TNS3: variants seen among roughly 807,000 people sequenced by gnomAD.
TNS3 encodes the protein tensin 3.
A neutral mutation model predicts 140.9 loss-of-function variants in TNS3; 45 were observed. That is an observed-to-expected ratio of 0.32 (90% CI 0.25 to 0.41). TNS3 has a LOEUF of 0.41. TNS3 is among the 10% of genes least tolerant of loss of function. The pLI, the probability that TNS3 is intolerant of heterozygous loss-of-function variation, is 1.00. For missense variants in TNS3, 1,716 were observed against 1,906.7 expected (o/e 0.90, Z 1.86); for synonymous variants, 815 against 788.4 (o/e 1.03, Z -0.56).
At position 47,563,658 on chromosome 7, in the gene TNS3, T is replaced by A. The variant is rs564425321; in HGVS notation, c.-265+18393A>T. The stretch of plus-strand genomic sequence containing the variant: ...TCCACAAGCCTAGTGATGAACAGTG[T>A]ATTATCTCATGACAGCCCTGGGTTG... On this transcript the variant is annotated intron_variant, in intron 1 of 30. Transcript: ENST00000311160. Among the ~76,000 whole-genome samples, 6 of 152,286 alleles carry A rather than the reference T, an allele frequency of 3.9e-5. 1 individual carries two copies. The South Asian group carries it at 1.2e-3, about 32-fold the overall frequency.
chr7:47,413,251 C>CTTTTTT (rs71003398), intron 12 of TNS3, among the ~76,000 whole-genome samples: 8 of 52,946 alleles, frequency 1.5e-4, no homozygotes, highest in Admixed American at 2.9e-4. Context: ...CAAGCCTGGC[C>CTTTTTT]TTTTTTTTTT....
chr7:47,474,371 CACACA>C (rs777417401), intron 4 of TNS3, among the ~76,000 whole-genome samples: 153 of 150,748 alleles, frequency 1.0e-3, no homozygotes, highest in Non-Finnish European at 5.2e-4. Flanking sequence ...AAACACTTCA[CACACA>C]ACACAACACA....
intron 1 of TNS3, among the ~76,000 whole-genome samples, chr7:47,572,902 G>A (rs1800591389): frequency 6.6e-6 from 1 of 151,916 alleles, no homozygotes; most frequent in Non-Finnish European, 1.5e-5. Flanking sequence ...TGTGTGTTGC[G>A]GGTTACCTGT....
At chr7:47,344,192 T>C (rs1789183125) in intron 20 of TNS3, among the ~76,000 whole-genome samples, 1 of 152,008 alleles carries the variant, frequency 6.6e-6, no homozygotes, top group South Asian at 2.1e-4. Flanking sequence ...CCAGAAGAAG[T>C]GCACAGTAAC....
intron 16 of TNS3, among the ~76,000 whole-genome samples, chr7:47,370,866 G>A (rs764137402): frequency 3.9e-5 from 6 of 152,366 alleles, no homozygotes; most frequent in South Asian, 4.1e-4. Flanking sequence ...GACCTGCCCT[G>A]AGCATGTGCC....
At chr7:47,466,172 T>C (rs1223589745) in intron 4 of TNS3, among the ~76,000 whole-genome samples, 2 of 151,934 alleles carry the variant, frequency 1.3e-5, no homozygotes, top group Non-Finnish European at 2.9e-5. Context: ...TTTTTTTTTC[T>C]TTGATACGGA....
chr7:47,462,613 A>G (rs1231286359), intron 4 of TNS3, among the ~76,000 whole-genome samples: 3 of 152,200 alleles, frequency 2.0e-5, no homozygotes, highest in Non-Finnish European at 4.4e-5. Flanking sequence ...ATAGTAAGAC[A>G]GCCCCATTGT....
At chr7:47,474,904 A>AC (rs928664212) in intron 4 of TNS3, among the ~76,000 whole-genome samples, 2 of 143,144 alleles carry the variant, frequency 1.4e-5, no homozygotes, top group Non-Finnish European at 3.1e-5. Context: ...CAACACACAC[A>AC]AAAAAAAACA....
intron 20 of TNS3, among the ~76,000 whole-genome samples, chr7:47,318,902 T>C (rs1364335354): frequency 2.6e-5 from 4 of 152,256 alleles, no homozygotes; most frequent in African/African-American, 9.6e-5. Context: ...GTCTCATAAC[T>C]GGACTTGTCC....
In TNS3 at chr7:47,389,184, CAGAAGA is replaced by C. The variant is rs145260005; in HGVS notation, c.1024+7610_1024+7615del. On this transcript the variant is annotated intron_variant, in intron 16 of 30. Coordinates refer to ENST00000311160, the MANE Select transcript of TNS3 (RefSeq NM_022748.12). The stretch of plus-strand genomic sequence containing the variant: ...GAAGAAGCAGCAGAAGCAGAAGAAG[CAGAAGA>C]AGAAGAAGAAGAAGAAGAGGGAGAA... 2.6e-4 allele frequency among the ~76,000 whole-genome samples: 20 copies of C among 75,560 alleles called. 3 individuals are homozygous for C. Among genetic ancestry groups the C allele is most frequent in the Middle Eastern group, 7.5e-3 (1 of 134 alleles). 49.6% of individuals were successfully genotyped at this position (75,560 alleles called of 152,430 possible).
At chr7:47,576,838 GA>G (rs1474873636) in intron 1 of TNS3, among the ~76,000 whole-genome samples, 2 of 152,164 alleles carry the variant, frequency 1.3e-5, no homozygotes, top group Non-Finnish European at 2.9e-5. Context: ...CCTCCAGCGA[GA>G]AATAATCCCA....
chr7:47,444,982 GT>G (rs1158507178), intron 4 of TNS3, among the ~76,000 whole-genome samples: 1 of 152,124 alleles, frequency 6.6e-6, no homozygotes, highest in East Asian at 1.9e-4. Flanking sequence ...CCTGTAAAGT[GT>G]CCCAGCATTG....
At chr7:47,338,192 C>G (rs535722377) in intron 20 of TNS3, among the ~76,000 whole-genome samples, 2 of 152,282 alleles carry the variant, frequency 1.3e-5, no homozygotes, top group South Asian at 4.1e-4. Flanking sequence ...AAGTCTATTT[C>G]TTTGGGATAA....
chr7:47,387,918 T>C (rs1176298596), intron 16 of TNS3, among the ~76,000 whole-genome samples: 1 of 152,214 alleles, frequency 6.6e-6, no homozygotes, highest in East Asian at 1.9e-4. Context: ...GTTCTGTATA[T>C]CAAATACTTA....
chr7:47,499,820 A>G (rs1186223557), intron 3 of TNS3, among the ~76,000 whole-genome samples: 2 of 152,142 alleles, frequency 1.3e-5, no homozygotes, highest in African/African-American at 4.8e-5. Context: ...TGGAATGTAC[A>G]ACACCCAGAG....
At chr7:47,406,216 G>A (rs1395813178) in intron 13 of TNS3, among the ~76,000 whole-genome samples, 2 of 152,156 alleles carry the variant, frequency 1.3e-5, no homozygotes, top group Non-Finnish European at 2.9e-5. Flanking sequence ...AAGATGGGAT[G>A]GGTCAGGTGT....
intron 4 of TNS3, among the ~76,000 whole-genome samples, chr7:47,449,781 T>C (rs1296129027): frequency 6.6e-6 from 1 of 152,180 alleles, no homozygotes; most frequent in Non-Finnish European, 1.5e-5. Context: ...AATTTTTGTA[T>C]TTTTAGTAGA....
intron 16 of TNS3, among the ~76,000 whole-genome samples, chr7:47,389,163 AAGC>A (rs539487753): frequency 0.32 from 3,272 of 10,104 alleles, 940 homozygotes; most frequent in Non-Finnish European, 0.66. Flanking sequence ...GAAGCAGAAG[AAGC>A]AGCAGAAGCA....
chr7:47,548,543 A>T (rs140263587), intron 1 of TNS3, among the ~76,000 whole-genome samples: 404 of 152,166 alleles, frequency 2.7e-3, no homozygotes, highest in African/African-American at 9.5e-3. Context: ...ATTTGAACAC[A>T]CCATCTCCTG....
Sources: allele counts gnomAD v4.1 joint callset (sites outside exome capture counted in the v4.1 genomes callset), GRCh38; gene constraint gnomAD v4.1.1; transcripts MANE v1.5; gene names NCBI Gene and HGNC (gene_info 2026-07-23, HGNC 2026-07-21).